Variants in CSMD1 observed in about 807,000 individuals in gnomAD.
CSMD1 encodes CUB and Sushi multiple domains 1.
Under a neutral mutation model 417.5 loss-of-function variants are expected in CSMD1, and 213 were observed. The observed-to-expected ratio is 0.51, with a 90% confidence interval of 0.46 to 0.57. CSMD1 has a LOEUF of 0.57. CSMD1 is among the 20% of genes least tolerant of loss of function. The probability of loss-of-function intolerance (pLI) is 0.00; values close to 1 mark genes in which losing one functional copy is unlikely to be tolerated. For synonymous variants in CSMD1, 2,862 were observed against 1,736.8 expected (o/e 1.65, Z -16.11); for missense variants, 6,923 against 4,529.7 (o/e 1.53, Z -15.17).
intron 3 of CSMD1, among the ~76,000 whole-genome samples, chr8:4,055,790 A>T (rs374428880): frequency 2.2e-4 from 33 of 152,268 alleles, no homozygotes; most frequent in African/African-American, 7.9e-4. Flanking sequence ...ACTCTTCAGC[A>T]CTTCAAATGA....
intron 2 of CSMD1, among the ~76,000 whole-genome samples, chr8:4,535,876 C>A (rs1164831862): frequency 6.6e-6 from 1 of 152,104 alleles, no homozygotes; most frequent in African/African-American, 2.4e-5. Flanking sequence ...GGTTACTGAG[C>A]TTTTACTTCT....
chr8:4,942,210 A>C (rs1438902695), intron 1 of CSMD1, among the ~76,000 whole-genome samples: 1 of 152,172 alleles, frequency 6.6e-6, no homozygotes, highest in Non-Finnish European at 1.5e-5. Context: ...ACACACAGAC[A>C]CATATAAACC....
chr8:3,888,341 A>G (rs1009701920), intron 5 of CSMD1, among the ~76,000 whole-genome samples: 2 of 152,166 alleles, frequency 1.3e-5, no homozygotes, highest in African/African-American at 4.8e-5. Flanking sequence ...AAGTCAAAGG[A>G]TGGTGATTAC....
chr8:4,665,484 C>G (rs1256754718), intron 1 of CSMD1, among the ~76,000 whole-genome samples: 3 of 152,212 alleles, frequency 2.0e-5, no homozygotes, highest in Non-Finnish European at 2.9e-5. Flanking sequence ...TCCCAGCACA[C>G]TGATAAGATC....
intron 2 of CSMD1, among the ~76,000 whole-genome samples, chr8:4,636,882 G>A (rs1802843279): frequency 6.6e-6 from 1 of 152,106 alleles, no homozygotes; most frequent in Non-Finnish European, 1.5e-5. Flanking sequence ...ATTGTAAAAT[G>A]CACCAATCAG....
At chr8:4,169,158 A>T (rs1250290765) in intron 3 of CSMD1, among the ~76,000 whole-genome samples, 4 of 152,116 alleles carry the variant, frequency 2.6e-5, no homozygotes, top group Non-Finnish European at 4.4e-5. Flanking sequence ...TAATGGTGTA[A>T]ACACCGTCTC....
chr8:4,843,019 C>G (rs968503333), intron 1 of CSMD1, among the ~76,000 whole-genome samples: 8 of 152,326 alleles, frequency 5.3e-5, no homozygotes, highest in Admixed American at 5.2e-4. Context: ...CTCCAGGACT[C>G]TAACATCAAC....
rs186305295 is a variant in CSMD1, at chr8:4,817,143, T to G, written c.85+177189A>C. Among the ~76,000 whole-genome samples, 219 of 152,290 alleles carry G rather than the reference T, an allele frequency of 1.4e-3. 3 individuals are homozygous for G. Among genetic ancestry groups the G allele is most frequent in the African/African-American group, 5.2e-3 (215 of 41,560 alleles). ...TGTATATAAATACATATCATAATAT[T>G]TACATAAATACACACACATGTATAC... On this transcript the variant is annotated intron_variant, in intron 1 of 69. Coordinates refer to ENST00000635120, the MANE Select transcript of CSMD1 (RefSeq NM_033225.6).
At chr8:3,930,563 T>C (rs1050491220) in intron 5 of CSMD1, among the ~76,000 whole-genome samples, 1 of 150,234 alleles carries the variant, frequency 6.7e-6, no homozygotes, top group Non-Finnish European at 1.5e-5. Flanking sequence ...TCGGGACAAA[T>C]ACAGAATCTG....
At chr8:4,385,181 G>C (rs866000548) in intron 3 of CSMD1, among the ~76,000 whole-genome samples, 9 of 152,078 alleles carry the variant, frequency 5.9e-5, no homozygotes, top group South Asian at 2.1e-4. Flanking sequence ...CCCCGTCTCG[G>C]CGTCTTAAAG....
intron 23 of CSMD1, among the ~76,000 whole-genome samples, chr8:3,314,249 TA>T (rs202207922): frequency 6.6e-6 from 1 of 151,936 alleles, no homozygotes; most frequent in Non-Finnish European, 1.5e-5. Flanking sequence ...TAAAGTATAA[TA>T]AAAAAATAAA....
At chr8:3,625,411 A>AT (rs146093115) in intron 7 of CSMD1, among the ~76,000 whole-genome samples, 15,471 of 151,970 alleles carry the variant, frequency 0.1, 977 homozygotes, top group African/African-American at 0.16. Context: ...ACATTGCCAG[A>AT]TTTTTTTGTC....
At chr8:4,017,640 A>T (rs768188627) in intron 4 of CSMD1, among the ~76,000 whole-genome samples, 1 of 152,122 alleles carries the variant, frequency 6.6e-6, no homozygotes, top group African/African-American at 2.4e-5. Context: ...TGTGTAGAAA[A>T]TATTAGAGAG....
Position 3,997,916 on chromosome 8 carries a change from C to A in CSMD1, c.805G>T (p.Ala269Ser). The change falls in exon 5 of 70, where the codon GCT (alanine) becomes TCT (serine). Residue 269 changes from alanine to serine, a missense_variant. By Grantham distance (99) the Ala-to-Ser change is moderately conservative. Coordinates refer to ENST00000635120, the MANE Select transcript of CSMD1 (RefSeq NM_033225.6). ...CCCGGGACTTACCATATGGATGGAG[C>A]TTCCGTGCCACTGATCTCTAAGAAA... ...YDFLEISGTE[A>S]PSIWLTGMNL... The A allele has an allele frequency of 6.2e-7, 1 of 1,612,034 alleles. No homozygotes were observed. The highest frequency in any genetic ancestry group is 1.1e-5 in the South Asian group (1 of 90,462).
At chr8:4,326,270 A>G (rs532235870) in intron 3 of CSMD1, among the ~76,000 whole-genome samples, 3 of 152,202 alleles carry the variant, frequency 2.0e-5, no homozygotes, top group African/African-American at 7.2e-5. Flanking sequence ...TCATCTTCAC[A>G]TACGGTGGGA....
chr8:4,202,967 G>T (rs559237187), intron 3 of CSMD1, among the ~76,000 whole-genome samples: 2 of 152,222 alleles, frequency 1.3e-5, no homozygotes, highest in African/African-American at 2.4e-5. Flanking sequence ...GGAGGAGAAC[G>T]ATTACCTCCA....
intron 1 of CSMD1, among the ~76,000 whole-genome samples, chr8:4,667,780 C>G (rs1354996553): frequency 6.6e-6 from 1 of 152,312 alleles, no homozygotes; most frequent in East Asian, 1.9e-4. Flanking sequence ...AATTTTTCTA[C>G]ATAGACTACG....
In CSMD1 at chr8:4,612,765, G is replaced by A. The variant is rs1168248613; in HGVS notation, c.302+24577C>T. ...AATGTGTGTGTACCTGCAAATCTATGCACACTCAACAAACAGCACCAGTAA... is the reference window on the plus strand; with the variant it reads ...AATGTGTGTGTACCTGCAAATCTATACACACTCAACAAACAGCACCAGTAA... On this transcript the variant is annotated intron_variant, in intron 2 of 69. Transcript: ENST00000635120. 2.0e-5 allele frequency among the ~76,000 whole-genome samples: 3 copies of A among 152,160 alleles called. No homozygotes were observed. In the East Asian group the frequency reaches 5.8e-4, roughly 29 times the overall value.
chr8:4,838,469 T>A (rs10090282), intron 1 of CSMD1, among the ~76,000 whole-genome samples: 1 of 151,772 alleles, frequency 6.6e-6, no homozygotes, highest in South Asian at 2.1e-4. Flanking sequence ...ACTGCCCTGA[T>A]GAAGATGCTT....
Sources: gnomAD v4.1 joint callset for allele counts (sites outside exome capture counted in the v4.1 genomes callset) on GRCh38, gnomAD v4.1.1 for gene constraint, MANE v1.5 for transcripts, NCBI Gene and HGNC (gene_info 2026-07-23, HGNC 2026-07-21) for gene names.